Variants in ROBO2 observed in about 807,000 individuals in gnomAD.
ROBO2 encodes the protein roundabout homolog 2.
In ROBO2, 53 loss-of-function variants were observed where a neutral mutation model predicts 160.8. The observed-to-expected ratio is 0.33, with a 90% CI of 0.26 to 0.41. ROBO2 has a LOEUF of 0.41. Among genes scored for constraint, ROBO2 ranks in the 10% least tolerant of loss-of-function variants. The pLI is 1.00. For missense variants in ROBO2, 1,577 were observed against 1,722.4 expected (o/e 0.92, Z 1.49); for synonymous variants, 664 against 611.7 (o/e 1.09, Z -1.26).
chr3:76,461,831 G>A (rs535638610), intron 2 of ROBO2, among the ~76,000 whole-genome samples: 48 of 152,078 alleles, frequency 3.2e-4, no homozygotes, highest in Non-Finnish European at 5.1e-4. Context: ...TTTGTGCCCT[G>A]TGGTACATTT....
At chr3:76,713,410 T>A (rs1238041341) in intron 2 of ROBO2, among the ~76,000 whole-genome samples, 1 of 152,170 alleles carries the variant, frequency 6.6e-6, no homozygotes. Context: ...TATCCTAAGA[T>A]TTTTTTCTTA....
rs1560141931 is a variant in ROBO2 at position 76,555,432 on chromosome 3, G to GA, written c.110-542582_110-542581insA. Among the ~76,000 whole-genome samples, 21 of 91,668 alleles carry GA rather than the reference G, an allele frequency of 2.3e-4. 2 individuals are homozygous for GA. The highest frequency in any genetic ancestry group is 0.01 in the Middle Eastern group (2 of 198). The allele number at this position is 91,668 out of a possible 152,430, so 60.1% of individuals were successfully genotyped here. A position where few individuals can be genotyped will look rare whatever the true frequency, so the allele number is the denominator to read the frequency against. On this transcript the variant is annotated intron_variant, in intron 2 of 26. Coordinates refer to the ROBO2 transcript ENST00000487694. ...AGAAGAAGAAGAAAGAAGGAGAAGGGGAAGGGGAAGAGGAAGAGGAAGAGG... is the reference window on the plus strand; with the variant it reads ...AGAAGAAGAAGAAAGAAGGAGAAGGGAGAAGGGGAAGAGGAAGAGGAAGAGG...
chr3:77,058,182 A>C (rs2065947639), intron 1 of ROBO2, among the ~76,000 whole-genome samples: 1 of 152,170 alleles, frequency 6.6e-6, no homozygotes, highest in African/African-American at 2.4e-5. Context: ...CACCTGAATA[A>C]AATAGGTGAA....
rs140439813 is a variant in ROBO2 at position 76,815,338 on chromosome 3, C to A, written c.110-282676C>A. On this transcript the variant is annotated intron_variant, in intron 2 of 26. Coordinates refer to the ROBO2 transcript ENST00000487694. ...ATTTAGGTAAGTTATGGTACAGAAT[C>A]TTTGAGTCCAATAAGCTGAGCTATT... 4.1e-3 allele frequency among the ~76,000 whole-genome samples: 629 copies of A among 151,826 alleles called. 21 individuals are homozygous for A. The highest frequency in any genetic ancestry group is 0.03 in the East Asian group (153 of 5,132).
At chr3:77,409,717 G>A (rs957723770) in intron 2 of ROBO2, among the ~76,000 whole-genome samples, 6 of 152,108 alleles carry the variant, frequency 3.9e-5, no homozygotes, top group African/African-American at 1.4e-4. Flanking sequence ...TGTCATTAAT[G>A]GTTTCAAGTA....
chr3:76,984,591 G>T (rs963261493), intron 2 of ROBO2, among the ~76,000 whole-genome samples: 13 of 152,016 alleles, frequency 8.6e-5, no homozygotes, highest in Non-Finnish European at 1.6e-4. Flanking sequence ...TTTTACTTTG[G>T]GTTTGCCATC....
intron 2 of ROBO2, among the ~76,000 whole-genome samples, chr3:77,263,078 C>T (rs1023525089): frequency 1.3e-5 from 2 of 151,956 alleles, no homozygotes; most frequent in East Asian, 1.9e-4. Flanking sequence ...GAAATACCAT[C>T]GATCTCAGTG....
intron 2 of ROBO2, among the ~76,000 whole-genome samples, chr3:76,453,352 T>C (rs997709648): frequency 2.6e-5 from 4 of 152,228 alleles, no homozygotes; most frequent in African/African-American, 9.6e-5. Context: ...TTAATTTTTG[T>C]ATAAGGTGTA....
chr3:76,232,314 A>T (rs1197768902), intron 2 of ROBO2, among the ~76,000 whole-genome samples: 2 of 152,246 alleles, frequency 1.3e-5, no homozygotes, highest in Non-Finnish European at 2.9e-5. Flanking sequence ...GATAATTTGG[A>T]TGTATCTTGG....
At chr3:76,853,069 C>A (rs908471505) in intron 2 of ROBO2, among the ~76,000 whole-genome samples, 11 of 151,880 alleles carry the variant, frequency 7.2e-5, no homozygotes, top group Non-Finnish European at 1.3e-4. Context: ...AGTATCAGAC[C>A]TCCTCATACA....
chr3:76,162,700 A>G (rs568373538), intron 2 of ROBO2, among the ~76,000 whole-genome samples: 1 of 152,286 alleles, frequency 6.6e-6, no homozygotes, highest in South Asian at 2.1e-4. Context: ...AATAAAATGT[A>G]ACTATTCATA....
intron 23 of ROBO2, chr3:77,634,248 G>T (rs2095224746): frequency 6.5e-6 from 1 of 154,086 alleles, no homozygotes; most frequent in South Asian, 2.0e-4. Flanking sequence ...TTGCATGCTG[G>T]ATATACAAGG....
At chr3:76,892,773 T>A (rs978554574) in intron 2 of ROBO2, among the ~76,000 whole-genome samples, 2 of 152,198 alleles carry the variant, frequency 1.3e-5, no homozygotes, top group Non-Finnish European at 2.9e-5. Flanking sequence ...AAACAAGAAC[T>A]CTCACTTCTC....
intron 2 of ROBO2, among the ~76,000 whole-genome samples, chr3:76,800,046 G>A (rs115644849): frequency 0.051 from 7,688 of 152,154 alleles, 245 homozygotes; most frequent in Middle Eastern, 0.14. Context: ...AAACAGAATA[G>A]AGAACCCAGA....
At chr3:77,570,801 A>G (rs969486196) in intron 13 of ROBO2, among the ~76,000 whole-genome samples, 1 of 152,032 alleles carries the variant, frequency 6.6e-6, no homozygotes, top group Non-Finnish European at 1.5e-5. Flanking sequence ...GAAGGGAGAA[A>G]TAATTCCCCA....
At chr3:76,260,755 A>G (rs767771931) in intron 2 of ROBO2, among the ~76,000 whole-genome samples, 2 of 152,178 alleles carry the variant, frequency 1.3e-5, no homozygotes, top group Non-Finnish European at 2.9e-5. Context: ...AGGATCGCAC[A>G]ATAATGCTGA....
chr3:76,022,290 C>T (rs1191267070), intron 2 of ROBO2, among the ~76,000 whole-genome samples: 1 of 151,726 alleles, frequency 6.6e-6, no homozygotes, highest in African/African-American at 2.4e-5. Context: ...GACTCAACTT[C>T]TTCTAAACTC....
At chr3:75,972,861 G>A (rs1283969449) in intron 2 of ROBO2, among the ~76,000 whole-genome samples, 1 of 151,620 alleles carries the variant, frequency 6.6e-6, no homozygotes, top group African/African-American at 2.4e-5. Context: ...GGCACTGACT[G>A]TGGTAGCCCG....
At chr3:76,826,016 G>A (rs543654888) in intron 2 of ROBO2, among the ~76,000 whole-genome samples, 26 of 149,722 alleles carry the variant, frequency 1.7e-4, no homozygotes, top group African/African-American at 5.6e-4. Context: ...CAAATCAAAA[G>A]CATTCTTTTA....
Sources: allele counts gnomAD v4.1 joint callset (sites outside exome capture counted in the v4.1 genomes callset), GRCh38; gene constraint gnomAD v4.1.1; transcripts MANE v1.5; gene names NCBI Gene and HGNC (gene_info 2026-07-23, HGNC 2026-07-21).